Variants in PRDM1 observed in about 807,000 individuals in gnomAD.
PRDM1 encodes PR/SET domain 1.
A neutral mutation model predicts 62.8 loss-of-function variants in PRDM1; 13 were observed. The ratio of observed to expected loss-of-function variants is 0.21; its 90% confidence interval spans 0.13 to 0.33. PRDM1 has a LOEUF of 0.33. PRDM1 is among the 10% of genes least tolerant of loss of function. PRDM1 has a pLI of 1.00. For synonymous variants in PRDM1, 396 were observed against 417.6 expected (o/e 0.95, Z 0.63); for missense variants, 895 against 1,058.8 (o/e 0.85, Z 2.15).
At chr6:105,992,879 G>A (rs1317981339), upstream of PRDM1, among the ~76,000 whole-genome samples, 2 of 152,202 alleles carry the variant, frequency 1.3e-5, no homozygotes, top group South Asian at 2.1e-4. Context: ...TGCTTTCTAG[G>A]CGTGTGTCTC....
At chr6:106,042,192 C>T (rs535515564) in intron 1 of PRDM1, among the ~76,000 whole-genome samples, 1 of 151,690 alleles carries the variant, frequency 6.6e-6, no homozygotes, top group South Asian at 2.1e-4. Context: ...TAACTGTTCT[C>T]TTATTAGAGT....
chr6:106,035,464 A>G (rs1228686459), intron 1 of PRDM1, among the ~76,000 whole-genome samples: 1 of 152,008 alleles, frequency 6.6e-6, no homozygotes, highest in East Asian at 1.9e-4. Context: ...CCCCGTCTCT[A>G]TAGAAACTTA....
At chr6:106,079,572 C>A (rs1489601773) in intron 1 of PRDM1, among the ~76,000 whole-genome samples, 1 of 152,208 alleles carries the variant, frequency 6.6e-6, no homozygotes, top group African/African-American at 2.4e-5. Context: ...CTGAGGCAGG[C>A]AGATCACTTG....
At position 106,088,233 on chromosome 6, in the gene PRDM1, G is replaced by A. The variant is rs371233477; in HGVS notation, c.75G>A (p.Arg25=). The A allele has an allele frequency of 6.2e-7, 1 of 1,613,642 alleles. No homozygotes were observed. The change falls in exon 2 of 7, where the codon AGG becomes AGA. Residue 25 remains arginine, a synonymous_variant. Transcript: ENST00000369096. ...CCAAGTGTAACTCCAGCACTGTGAG[G>A]TTTCAGGGATTGGCAGAGGGGACCA... ...AAPKCNSSTV[R]FQGLAEGTKG...
rs1210056136 is a variant in PRDM1 at position 105,994,811 on chromosome 6, C to A, written c.-67+1172C>A. Among the ~76,000 whole-genome samples the A allele has an allele frequency of 6.6e-6, 1 of 152,186 alleles. No individual in the cohort carries two copies. Among genetic ancestry groups the A allele is most frequent in the Non-Finnish European group, 1.5e-5 (1 of 68,042 alleles). The stretch of plus-strand genomic sequence containing the variant: ...GGCGGGGATGGCTGGGTGTGCAAAC[C>A]GAAAACAGTTTGTCAGCCCTCCAGT... On this transcript the variant is annotated intron_variant, in intron 1 of 6. Transcript: ENST00000652320. This position sits in a 1 kb window ranked among gnomAD's most constrained non-coding sequence, Gnocchi z 4.1.
intron 1 of PRDM1, among the ~76,000 whole-genome samples, chr6:106,011,122 T>C (rs1772540444): frequency 6.6e-6 from 1 of 152,184 alleles, no homozygotes; most frequent in South Asian, 2.1e-4. Context: ...TATCTTGGGG[T>C]AGTTTTCTTC....
chr6:106,105,718 G>C lies in PRDM1; in HGVS notation c.1558G>C (p.Gly520Arg). Reference protein sequence around the residue: ...CSPTSGSPTAGTAATAEHVVQ... With the variant: ...CSPTSGSPTARTAATAEHVVQ... ...CCCCACAAGCGGGTCTCCCACGGCG[G>C]GAACAGCCGCCACGGCAGAACATGT... The change falls in exon 5 of 7, where the codon GGA becomes CGA. Residue 520 changes from glycine (G) to arginine (R), a missense_variant. Gly to Arg is a moderately radical substitution (Grantham distance 125, BLOSUM62 -2). This residue lies in a region of PRDM1 where 444 missense variants were observed against 422.7 expected (regional missense o/e 1.05). Transcript: ENST00000369096. The C allele has an allele frequency of 6.2e-7, 1 of 1,613,672 alleles. No homozygotes were observed. The highest frequency in any genetic ancestry group is 8.5e-7 in the Non-Finnish European group (1 of 1,179,834).
At chr6:106,019,643 T>C (rs1398849980) in intron 1 of PRDM1, among the ~76,000 whole-genome samples, 1 of 148,552 alleles carries the variant, frequency 6.7e-6, no homozygotes, top group Non-Finnish European at 1.5e-5. Context: ...TTTTCTTTTT[T>C]TTTTTTTTTT....
At position 105,994,818 on chromosome 6, in the gene PRDM1, A is replaced by T. The variant is rs914197655; in HGVS notation, c.-67+1179A>T. ...ATGGCTGGGTGTGCAAACCGAAAAC[A>T]GTTTGTCAGCCCTCCAGTCCCGCCG... is the stretch of plus-strand genomic sequence containing the variant. On this transcript the variant is annotated intron_variant, in intron 1 of 6. Coordinates refer to the PRDM1 transcript ENST00000652320. The surrounding 1 kb of genome is among the most constrained non-coding windows in gnomAD (Gnocchi z 4.1). Among the ~76,000 whole-genome samples, 2 of 152,108 alleles carry T rather than the reference A, an allele frequency of 1.3e-5. No homozygotes were observed. The highest frequency in any genetic ancestry group is 2.9e-5 in the Non-Finnish European group (2 of 68,030).
intron 1 of PRDM1, among the ~76,000 whole-genome samples, chr6:106,024,134 C>T (rs907108766): frequency 1.3e-4 from 19 of 142,932 alleles, no homozygotes; most frequent in Middle Eastern, 3.7e-3. Context: ...AAAGCAAGAC[C>T]GTGTCTCAAA....
chr6:106,047,229 T>C (rs1773095226), upstream of PRDM1, among the ~76,000 whole-genome samples: 1 of 152,246 alleles, frequency 6.6e-6, no homozygotes, highest in African/African-American at 2.4e-5. Flanking sequence ...GAGTTTCAGC[T>C]TTTTTCCTCA....
At chr6:106,094,204 A>C (rs1462112314) in intron 2 of PRDM1, among the ~76,000 whole-genome samples, 1 of 152,228 alleles carries the variant, frequency 6.6e-6, no homozygotes, top group Non-Finnish European at 1.5e-5. Context: ...AGCTACTGGG[A>C]ATATAAAAAC....
chr6:106,072,767 A>AT (rs1773539478), intron 1 of PRDM1, among the ~76,000 whole-genome samples: 1 of 152,174 alleles, frequency 6.6e-6, no homozygotes, highest in African/African-American at 2.4e-5. Flanking sequence ...GACGTGGTGG[A>AT]TTGAGCTGTT....
At chr6:106,092,168 TATC>T (rs5878867) in intron 2 of PRDM1, among the ~76,000 whole-genome samples, 11,020 of 151,436 alleles carry the variant, frequency 0.073, 391 homozygotes, top group South Asian at 0.1. Context: ...TTGTCCTTGT[TATC>T]AGCCTTCCAT....
intron 1 of PRDM1, among the ~76,000 whole-genome samples, chr6:106,058,544 T>A (rs1028396022): frequency 2.0e-5 from 3 of 152,182 alleles, no homozygotes; most frequent in Non-Finnish European, 4.4e-5. Context: ...GCTTCCACTT[T>A]GGCATTCCCA....
intron 1 of PRDM1, among the ~76,000 whole-genome samples, chr6:106,061,450 T>G (rs894759334): frequency 3.3e-5 from 5 of 152,236 alleles, no homozygotes; most frequent in Admixed American, 3.3e-4. Flanking sequence ...GCTAAAGAGT[T>G]ACATGCCTGC....
chr6:106,106,875 C>A lies in PRDM1; in HGVS notation c.1903-36C>A. On this transcript the variant is annotated intron_variant, in intron 6 of 6. Coordinates refer to ENST00000369096, the MANE Select transcript of PRDM1 (RefSeq NM_001198.4). This position sits in a 1 kb window ranked among gnomAD's most constrained non-coding sequence, Gnocchi z 4.4. Reference sequence around the variant, plus strand: ...ACTCTTAATCTTCTGGCCTTCCTGTCTCCCTTCCCTGCTGTCTCTCTCCCC... The same window carrying A: ...ACTCTTAATCTTCTGGCCTTCCTGTATCCCTTCCCTGCTGTCTCTCTCCCC... The A allele has an allele frequency of 6.4e-7, 1 of 1,565,196 alleles. No individual in the cohort carries two copies. Among genetic ancestry groups the A allele is most frequent in the South Asian group, 1.2e-5 (1 of 86,238 alleles).
At chr6:106,003,505 T>G (rs568066198) in intron 1 of PRDM1, among the ~76,000 whole-genome samples, 47 of 152,306 alleles carry the variant, frequency 3.1e-4, no homozygotes, top group African/African-American at 9.6e-4. Context: ...TATCTATCCT[T>G]AGACATTTTA....
At chr6:106,081,240 G>A (rs576045612) in intron 1 of PRDM1, among the ~76,000 whole-genome samples, 17 of 152,242 alleles carry the variant, frequency 1.1e-4, no homozygotes, top group African/African-American at 3.1e-4. Context: ...TGTCACCACC[G>A]GTTTAACATT....
Sources: allele counts gnomAD v4.1 joint callset (sites outside exome capture counted in the v4.1 genomes callset), GRCh38; gene constraint gnomAD v4.1.1; regional missense constraint gnomAD v4.1.1; non-coding constraint Gnocchi (gnomAD v3.1); transcripts MANE v1.5; gene names NCBI Gene and HGNC (gene_info 2026-07-23, HGNC 2026-07-21).